ULK4: variants seen among roughly 807,000 people sequenced by gnomAD.
The protein encoded by ULK4 is inactive serine/threonine-protein kinase ULK4.
A neutral mutation model predicts 160.6 loss-of-function variants in ULK4; 133 were observed. The observed-to-expected ratio is 0.83, with a 90% CI of 0.72 to 0.96. ULK4 has a LOEUF of 0.96. ULK4 is among the 40% of genes least tolerant of loss of function. ULK4 has a pLI of 0.00. For synonymous variants in ULK4, 534 were observed against 539.8 expected (o/e 0.99, Z 0.15); for missense variants, 1,580 against 1,499.5 (o/e 1.05, Z -0.89).
At chr3:41,521,735 T>C (rs1014978576) in intron 32 of ULK4, among the ~76,000 whole-genome samples, 1 of 152,242 alleles carries the variant, frequency 6.6e-6, no homozygotes, top group Non-Finnish European at 1.5e-5. Context: ...TCAGTTATTA[T>C]ACATGACAGA....
chr3:41,502,964 G>C (rs1012867647), intron 32 of ULK4, among the ~76,000 whole-genome samples: 2 of 151,952 alleles, frequency 1.3e-5, no homozygotes, highest in South Asian at 2.1e-4. Context: ...TCCATTAATT[G>C]CTGTAAAAAA....
chr3:41,562,957 G>A (rs771126925), intron 32 of ULK4, among the ~76,000 whole-genome samples: 35 of 152,172 alleles, frequency 2.3e-4, no homozygotes, highest in African/African-American at 7.5e-4. Context: ...TCATAGCATC[G>A]ATGGTGTTTG....
chr3:41,574,531 C>CTTTTTTTTTTTTTTTT (rs568406782), intron 31 of ULK4, among the ~76,000 whole-genome samples: 1 of 92,150 alleles, frequency 1.1e-5, no homozygotes, highest in African/African-American at 3.6e-5. Context: ...CCAGAGTCCT[C>CTTTTTTTTTTTTTTTT]TTTTTTTTTT....
chr3:41,958,547 C>CAAAA (rs78864808), intron 1 of ULK4, among the ~76,000 whole-genome samples: 1 of 124,034 alleles, frequency 8.1e-6, no homozygotes, highest in East Asian at 2.5e-4. Context: ...ACTAAAAATA[C>CAAAA]AAAAAAAAAA....
At chr3:41,853,013 A>C (rs2042253835) in intron 17 of ULK4, among the ~76,000 whole-genome samples, 1 of 152,198 alleles carries the variant, frequency 6.6e-6, no homozygotes, top group Non-Finnish European at 1.5e-5. Flanking sequence ...CAGAGATTCA[A>C]ACACCTGGGA....
chr3:41,775,550 C>A (rs935044112), intron 21 of ULK4, among the ~76,000 whole-genome samples: 1 of 150,202 alleles, frequency 6.7e-6, no homozygotes, highest in African/African-American at 2.5e-5. Flanking sequence ...AGGCACACAC[C>A]ACCACACCCA....
chr3:41,906,047 C>G (rs1471571361), intron 12 of ULK4, among the ~76,000 whole-genome samples: 1 of 151,834 alleles, frequency 6.6e-6, no homozygotes, highest in Non-Finnish European at 1.5e-5. Context: ...GAAACCCCGT[C>G]TGCACTAAAA....
At chr3:41,528,742 C>G (rs2086200806) in intron 32 of ULK4, among the ~76,000 whole-genome samples, 1 of 152,140 alleles carries the variant, frequency 6.6e-6, no homozygotes, top group Admixed American at 6.5e-5. Flanking sequence ...ATAACACTGT[C>G]ATGTATATAT....
intron 30 of ULK4, among the ~76,000 whole-genome samples, chr3:41,626,822 G>A (rs925354611): frequency 6.6e-6 from 1 of 152,100 alleles, no homozygotes; most frequent in Non-Finnish European, 1.5e-5. Flanking sequence ...CACCGTGCCT[G>A]GCCAAAAGTA....
chr3:41,679,314 G>T (rs914257855), intron 29 of ULK4, among the ~76,000 whole-genome samples: 4 of 152,268 alleles, frequency 2.6e-5, no homozygotes, highest in African/African-American at 9.6e-5. Context: ...TAATCTTTAG[G>T]ATTATCTTCT....
At chr3:41,467,441 C>A (rs964248335) in intron 32 of ULK4, among the ~76,000 whole-genome samples, 1 of 152,086 alleles carries the variant, frequency 6.6e-6, no homozygotes, top group African/African-American at 2.4e-5. Context: ...GCAGGAGAAT[C>A]GTTTGAACCC....
At position 41,388,314 on chromosome 3, in the gene ULK4, T is replaced by C. The variant is rs541617690; in HGVS notation, c.3678+9765A>G. Among the ~76,000 whole-genome samples, 11 of 152,084 alleles carry C rather than the reference T, an allele frequency of 7.2e-5. No homozygotes were observed. In the South Asian group the frequency reaches 2.3e-3, roughly 32 times the overall value. On this transcript the variant is annotated intron_variant, in intron 35 of 36. Coordinates refer to ENST00000301831, the MANE Select transcript of ULK4 (RefSeq NM_017886.4). Reference sequence around the variant, plus strand: ...AGTAGGTTGCGAAAATTTTCTCCCATTTTGTAGGTTGCCTGTTCACTCTGA... The same window carrying C: ...AGTAGGTTGCGAAAATTTTCTCCCACTTTGTAGGTTGCCTGTTCACTCTGA...
chr3:41,421,999 T>C lies in ULK4; in HGVS notation c.3493-23735A>G, dbSNP rs531732930. Among the ~76,000 whole-genome samples, 4 of 152,264 alleles carry C rather than the reference T, an allele frequency of 2.6e-5. No individual in the cohort carries two copies. In the East Asian group the frequency reaches 7.7e-4, roughly 29 times the overall value. ...TTTTTTTTCTTTTGATAAGAACTAA[T>C]GGAATTCTGGTATTTACCCTTTAAA... On this transcript the variant is annotated intron_variant, in intron 34 of 36. Transcript: ENST00000301831.
intron 21 of ULK4, among the ~76,000 whole-genome samples, chr3:41,758,830 G>A (rs111928533): frequency 5.3e-5 from 8 of 150,324 alleles, no homozygotes; most frequent in Non-Finnish European, 1.0e-4. Flanking sequence ...CCAAGATCGC[G>A]CCACTGCACT....
At chr3:41,328,009 C>G (rs2080369458) in intron 35 of ULK4, among the ~76,000 whole-genome samples, 1 of 152,172 alleles carries the variant, frequency 6.6e-6, no homozygotes, top group African/African-American at 2.4e-5. Context: ...AAGATAAAGA[C>G]TTGGCAAGTC....
chr3:41,401,396 ATTG>A (rs1322328262), intron 34 of ULK4, among the ~76,000 whole-genome samples: 5 of 152,154 alleles, frequency 3.3e-5, no homozygotes, highest in African/African-American at 9.7e-5. Context: ...TGGAAAGGCT[ATTG>A]TTGTCCTATG....
At chr3:41,839,613 A>C (rs1269173132) in intron 17 of ULK4, among the ~76,000 whole-genome samples, 1 of 151,852 alleles carries the variant, frequency 6.6e-6, no homozygotes, top group Admixed American at 6.6e-5. Context: ...CTCAAAAAAA[A>C]CTAACTATCA....
chr3:41,945,667 C>T (rs980883349), intron 2 of ULK4, among the ~76,000 whole-genome samples: 1 of 152,230 alleles, frequency 6.6e-6, no homozygotes, highest in South Asian at 2.1e-4. Context: ...CCAGAAAGCA[C>T]TTTGTGCCCA....
chr3:41,786,573 G>T (rs531997967), intron 21 of ULK4, among the ~76,000 whole-genome samples: 15 of 148,794 alleles, frequency 1.0e-4, no homozygotes, highest in African/African-American at 3.5e-4. Context: ...CTCCAGTCTG[G>T]GCAACCAGAG....
Sources: allele counts gnomAD v4.1 joint callset (sites outside exome capture counted in the v4.1 genomes callset), GRCh38; gene constraint gnomAD v4.1.1; transcripts MANE v1.5; gene names NCBI Gene and HGNC (gene_info 2026-07-23, HGNC 2026-07-21).